PAX5: variants seen among roughly 807,000 people sequenced by gnomAD.
PAX5 encodes paired box 5.
A neutral mutation model predicts 43.7 loss-of-function variants in PAX5; 9 were observed. That is an observed-to-expected ratio of 0.21 (90% CI 0.12 to 0.36). The LOEUF (loss-of-function observed/expected upper bound fraction) is 0.36. Ranked by LOEUF, PAX5 falls within the 10% of genes least tolerant of loss-of-function variation. The pLI is 1.00. For missense variants in PAX5, 383 were observed against 532.7 expected (o/e 0.72, Z 2.77); for synonymous variants, 228 against 214.3 (o/e 1.06, Z -0.56).
rs181984774 is a variant in PAX5 at position 36,935,328 on chromosome 9, G to A, written c.781-11844C>T. ...CCGGGGGGCGGAGGTTGCAGTGAGC[G>A]GAGATTGTGCCATTGCACTCCAGCC... is the stretch of plus-strand genomic sequence containing the variant. On this transcript the variant is annotated intron_variant, in intron 6 of 9. Transcript: ENST00000358127. Among the ~76,000 whole-genome samples, 338 of 152,198 alleles carry A rather than the reference G, an allele frequency of 2.2e-3. 1 individual carries two copies. The highest frequency in any genetic ancestry group is 3.7e-3 in the Admixed American group (57 of 15,298).
At chr9:37,029,366 C>T (rs1840737203) in intron 1 of PAX5, among the ~76,000 whole-genome samples, 1 of 152,234 alleles carries the variant, frequency 6.6e-6, no homozygotes, top group Non-Finnish European at 1.5e-5. Context: ...AGACAAGTTT[C>T]CGGCGCTGAC....
chr9:36,981,446 AAC>A (rs1554677033), intron 5 of PAX5, among the ~76,000 whole-genome samples: 2 of 148,984 alleles, frequency 1.3e-5, no homozygotes, highest in Admixed American at 6.7e-5. Context: ...AAAAAAAAAA[AAC>A]AAAAAACAGG....
At chr9:36,863,835 G>A (rs1033392512) in intron 8 of PAX5, among the ~76,000 whole-genome samples, 6 of 152,212 alleles carry the variant, frequency 3.9e-5, no homozygotes, top group Non-Finnish European at 7.3e-5. Context: ...TAGGGGCCGG[G>A]CGCAGTGGCT....
chr9:36,852,513 T>C (rs1274113123), intron 8 of PAX5, among the ~76,000 whole-genome samples: 1 of 152,124 alleles, frequency 6.6e-6, no homozygotes, highest in Non-Finnish European at 1.5e-5. Context: ...ACGGCGAGAC[T>C]AGAAACAGAA....
chr9:37,016,427 TC>T (rs1839389174), intron 2 of PAX5, among the ~76,000 whole-genome samples: 1 of 152,190 alleles, frequency 6.6e-6, no homozygotes, highest in Non-Finnish European at 1.5e-5. Context: ...TCCAGGGACC[TC>T]CCCTGAGGTA....
intron 7 of PAX5, among the ~76,000 whole-genome samples, chr9:36,892,863 G>A (rs749609678): frequency 6.6e-6 from 1 of 152,248 alleles, no homozygotes. Flanking sequence ...ACAGGCAAGT[G>A]TGGAAGAACA....
At position 37,034,252 on chromosome 9, in the gene PAX5, G is replaced by T. The variant is rs941486278; in HGVS notation, c.-221C>A. 4.2e-5 allele frequency: 23 copies of T among 551,188 alleles called. No individual in the cohort carries two copies. Among genetic ancestry groups the T allele is most frequent in the African/African-American group, 7.6e-5 (4 of 52,944 alleles). The allele number at this position is 551,188 out of a possible 1,614,324, so 34.1% of individuals were successfully genotyped here. A position where few individuals can be genotyped will look rare whatever the true frequency, so the allele number is the denominator to read the frequency against. Reference sequence around the variant, plus strand: ...GAAAAAAAGCGTCCGAAGGCACCGTGAAATGATTAAGGAACTAAAGAGCTT... The same window carrying T: ...GAAAAAAAGCGTCCGAAGGCACCGTTAAATGATTAAGGAACTAAAGAGCTT... On this transcript the variant is annotated 5_prime_UTR_variant, in exon 1 of 10. Coordinates refer to ENST00000358127, the MANE Select transcript of PAX5 (RefSeq NM_016734.3).
chr9:37,022,412 A>G (rs1450364987), intron 1 of PAX5, among the ~76,000 whole-genome samples: 1 of 152,222 alleles, frequency 6.6e-6, no homozygotes, highest in Admixed American at 6.5e-5. Context: ...GGGAACACCT[A>G]TTTAAAAAGG....
At chr9:36,940,972 G>A (rs1475545945) in intron 6 of PAX5, among the ~76,000 whole-genome samples, 1 of 152,192 alleles carries the variant, frequency 6.6e-6, no homozygotes, top group African/African-American at 2.4e-5. Flanking sequence ...AGAGGCCCAG[G>A]CACAAGGGGT....
chr9:36,864,867 A>AG (rs1476312094), intron 8 of PAX5, among the ~76,000 whole-genome samples: 1 of 152,146 alleles, frequency 6.6e-6, no homozygotes, highest in Non-Finnish European at 1.5e-5. Flanking sequence ...CACAGAGACG[A>AG]GGCCAGAGAG....
At chr9:36,910,172 A>G (rs531728523) in intron 7 of PAX5, among the ~76,000 whole-genome samples, 73 of 152,354 alleles carry the variant, frequency 4.8e-4, no homozygotes, top group South Asian at 3.7e-3. Flanking sequence ...AACACCGCTC[A>G]GTAAAAAGTG....
rs769403917 is a variant in PAX5 at position 36,923,377 on chromosome 9, C to T, written c.888G>A (p.Pro296=). 27 of 1,612,744 alleles carry T rather than the reference C, an allele frequency of 1.7e-5. No individual in the cohort carries two copies. The highest frequency in any genetic ancestry group is 9.9e-5 in the South Asian group (9 of 91,018). The part of the protein sequence containing the change: ...PADIGSSVPG[P]QSYPIVTGRD... ...CACCTGTCACAATGGGGTAGGACTG[C>T]GGGCCTGGCACACTGCTCCCGATGT... The change falls in exon 7 of 10, where the codon CCG becomes CCA. Residue 296 remains proline, a synonymous_variant. Transcript: ENST00000358127.
intron 7 of PAX5, among the ~76,000 whole-genome samples, chr9:36,899,745 A>T (rs563663525): frequency 1.3e-5 from 2 of 152,130 alleles, no homozygotes. Flanking sequence ...ATCCTCTGCA[A>T]GTCACTCAAG....
At chr9:36,891,001 T>A (rs1215804853) in intron 7 of PAX5, among the ~76,000 whole-genome samples, 3 of 152,100 alleles carry the variant, frequency 2.0e-5, no homozygotes, top group African/African-American at 7.2e-5. Context: ...TAGCTGGGCA[T>A]GGTGGTGCAC....
intron 6 of PAX5, among the ~76,000 whole-genome samples, chr9:36,930,073 G>A (rs1831000489): frequency 6.6e-6 from 1 of 151,804 alleles, no homozygotes; most frequent in South Asian, 2.1e-4. Flanking sequence ...CCAGCTCAAG[G>A]TGTGTGCACC....
Position 37,014,714 on chromosome 9 carries a change from G to A in PAX5, c.410+283C>T, listed in dbSNP as rs76857680. On this transcript the variant is annotated intron_variant, in intron 3 of 9. Coordinates refer to ENST00000358127, the MANE Select transcript of PAX5 (RefSeq NM_016734.3). The stretch of plus-strand genomic sequence containing the variant: ...AAGTGTTCCACACATATAGGTGGGT[G>A]GTGAAGGGAGGGATGGAAATAACTC... Among the ~76,000 whole-genome samples, 6,558 of 152,248 alleles carry A rather than the reference G, an allele frequency of 0.043. 451 individuals are homozygous for A. The highest frequency in any genetic ancestry group is 0.15 in the African/African-American group (6,174 of 41,516).
chr9:36,875,193 C>T (rs1471282935), intron 8 of PAX5, among the ~76,000 whole-genome samples: 1 of 152,206 alleles, frequency 6.6e-6, no homozygotes, highest in Non-Finnish European at 1.5e-5. Flanking sequence ...TCCTTGGTTG[C>T]ATCACCCCAG....
At chr9:37,029,173 T>G (rs1334364384) in intron 1 of PAX5, among the ~76,000 whole-genome samples, 1 of 152,218 alleles carries the variant, frequency 6.6e-6, no homozygotes, top group African/African-American at 2.4e-5. Context: ...ACTGGGCTTG[T>G]AAGGAAGAGT....
chr9:36,943,034 C>T (rs1488942121), intron 6 of PAX5, among the ~76,000 whole-genome samples: 1 of 152,206 alleles, frequency 6.6e-6, no homozygotes, highest in Non-Finnish European at 1.5e-5. Flanking sequence ...CCAGGGCCTG[C>T]TATGTCCTTG....
Sources: allele counts gnomAD v4.1 joint callset (sites outside exome capture counted in the v4.1 genomes callset), GRCh38; gene constraint gnomAD v4.1.1; transcripts MANE v1.5; gene names NCBI Gene and HGNC (gene_info 2026-07-23, HGNC 2026-07-21).